ADK: variants seen among roughly 807,000 people sequenced by gnomAD.
The protein encoded by ADK is adenosine kinase.
ADK carries 24 observed loss-of-function variants against 44.7 expected under a neutral mutation model. That is an observed-to-expected ratio of 0.54 (90% CI 0.39 to 0.76). ADK has a LOEUF of 0.76. ADK is among the 30% of genes least tolerant of loss of function. The pLI is 0.00. For synonymous variants in ADK, 128 were observed against 142.6 expected, an observed-to-expected ratio of 0.90 and a Z score of 0.73; for missense variants, 321 against 425.1, an observed-to-expected ratio of 0.76 and a Z score of 2.15.
chr10:74,340,315 TG>T (rs1319971572), intron 4 of ADK, among the ~76,000 whole-genome samples: 4 of 152,148 alleles, frequency 2.6e-5, no homozygotes, highest in Non-Finnish European at 5.9e-5. Context: ...TAGTATTGTT[TG>T]TATGAGAAAA....
intron 9 of ADK, among the ~76,000 whole-genome samples, chr10:74,623,487 G>A (rs1297378745): frequency 6.6e-6 from 1 of 151,942 alleles, no homozygotes; most frequent in East Asian, 1.9e-4. Flanking sequence ...GTCCGTACTT[G>A]CTTAACTGTG....
chr10:74,162,552 TGTGTGTGTGTGA>T (rs1341533845), intron 1 of ADK, among the ~76,000 whole-genome samples: 4 of 151,478 alleles, frequency 2.6e-5, no homozygotes, highest in African/African-American at 9.7e-5. Context: ...TGTGTGTGTG[TGTGTGTGTGTGA>T]GACAGAGTCT....
intron 9 of ADK, among the ~76,000 whole-genome samples, chr10:74,636,617 T>C (rs1853629307): frequency 6.6e-6 from 1 of 152,210 alleles, no homozygotes; most frequent in African/African-American, 2.4e-5. Flanking sequence ...GTATATATTT[T>C]TGTCTTTATA....
At chr10:74,365,440 T>G (rs1240818646) in intron 4 of ADK, among the ~76,000 whole-genome samples, 2 of 152,356 alleles carry the variant, frequency 1.3e-5, no homozygotes, top group East Asian at 3.9e-4. Flanking sequence ...TCCCATTTTG[T>G]TGCATATATT....
chr10:74,320,305 T>TG (rs1359008108), intron 4 of ADK, among the ~76,000 whole-genome samples: 1 of 152,194 alleles, frequency 6.6e-6, no homozygotes, highest in Non-Finnish European at 1.5e-5. Flanking sequence ...TTGGCCTACA[T>TG]GGTTTCTGAT....
intron 1 of ADK, among the ~76,000 whole-genome samples, chr10:74,189,451 G>T (rs1413391356): frequency 6.6e-6 from 1 of 152,038 alleles, no homozygotes; most frequent in African/African-American, 2.4e-5. Flanking sequence ...CTCTAATTCC[G>T]CTCTGCAATA....
intron 3 of ADK, among the ~76,000 whole-genome samples, chr10:74,236,363 C>T (rs1443752152): frequency 6.6e-6 from 1 of 152,150 alleles, no homozygotes; most frequent in African/African-American, 2.4e-5. Context: ...GAAGGATGTT[C>T]TTAGGATTAT....
At chr10:74,341,673 C>G (rs185759731) in intron 4 of ADK, among the ~76,000 whole-genome samples, 1 of 152,156 alleles carries the variant, frequency 6.6e-6, no homozygotes, top group Non-Finnish European at 1.5e-5. Flanking sequence ...TATGTTGGCT[C>G]TCATGGTAGT....
At chr10:74,273,357 A>G (rs976549177) in intron 3 of ADK, among the ~76,000 whole-genome samples, 2 of 152,078 alleles carry the variant, frequency 1.3e-5, no homozygotes, top group African/African-American at 4.8e-5. Context: ...GTGATATACC[A>G]CCAGAGATCT....
chr10:74,242,937 G>T (rs572272470), intron 3 of ADK, among the ~76,000 whole-genome samples: 3 of 152,188 alleles, frequency 2.0e-5, no homozygotes, highest in African/African-American at 7.2e-5. Context: ...CATTTCCACC[G>T]CTCAGTAAAA....
chr10:74,602,815 G>A (rs1014752513), intron 9 of ADK, among the ~76,000 whole-genome samples: 2 of 152,200 alleles, frequency 1.3e-5, no homozygotes, highest in Non-Finnish European at 2.9e-5. Flanking sequence ...CAGTGCACAA[G>A]TGTAGCTGAA....
chr10:74,160,670 TGTGCGTGCATGCAGGTAGGG>T (rs1359941921), intron 1 of ADK, among the ~76,000 whole-genome samples: 7 of 151,770 alleles, frequency 4.6e-5, no homozygotes, highest in Non-Finnish European at 7.4e-5. Context: ...GGTAGGGGTG[TGTGCGTGCATGCAGGTAGGG>T]GTGTGTGTGT....
At chr10:74,586,270 G>A (rs941715541) in intron 7 of ADK, among the ~76,000 whole-genome samples, 1 of 152,202 alleles carries the variant, frequency 6.6e-6, no homozygotes, top group Non-Finnish European at 1.5e-5. Flanking sequence ...GTGGGAGGAA[G>A]TCAGAAGATA....
chr10:74,289,696 G>A (rs1847330803), intron 3 of ADK, among the ~76,000 whole-genome samples: 1 of 152,006 alleles, frequency 6.6e-6, no homozygotes, highest in African/African-American at 2.4e-5. Context: ...GTGGCACTAT[G>A]TTTTTGAAAA....
intron 6 of ADK, among the ~76,000 whole-genome samples, chr10:74,464,710 CAGTGGCTG>C (rs1447654118): frequency 1.3e-5 from 2 of 152,134 alleles, no homozygotes; most frequent in Non-Finnish European, 2.9e-5. Flanking sequence ...AGGCCAGGCA[CAGTGGCTG>C]ATGCCTGTAA....
rs1440059356 is a variant in ADK, at chr10:74,328,393, TA to T, written c.273+13649del. The stretch of plus-strand genomic sequence containing the variant: ...CACTTCCCACTCATTTTTTCCACCA[TA>T]GAAAACTTGCATCCAGGGGACTTCT... On this transcript the variant is annotated intron_variant, in intron 4 of 10. Coordinates refer to ENST00000539909, the MANE Select transcript of ADK (RefSeq NM_006721.4). Among the ~76,000 whole-genome samples, 18 of 84,922 alleles carry T rather than the reference TA, an allele frequency of 2.1e-4. No individual in the cohort carries two copies. The East Asian group carries it at 4.1e-3, about 19-fold the overall frequency. 55.7% of individuals were successfully genotyped at this position (84,922 alleles called of 152,430 possible).
intron 1 of ADK, among the ~76,000 whole-genome samples, chr10:74,171,240 C>A (rs1842152755): frequency 6.6e-6 from 1 of 152,190 alleles, no homozygotes; most frequent in Middle Eastern, 3.4e-3. Context: ...AATCTTTATA[C>A]ACATTTGTCT....
chr10:74,696,322 G>GATT (rs971611433), intron 10 of ADK, among the ~76,000 whole-genome samples: 1 of 151,054 alleles, frequency 6.6e-6, no homozygotes, highest in Non-Finnish European at 1.5e-5. Context: ...CGCCTGGCCT[G>GATT]ATTATTATTA....
At chr10:74,326,915 T>A (rs1010259838) in intron 4 of ADK, among the ~76,000 whole-genome samples, 2 of 151,996 alleles carry the variant, frequency 1.3e-5, no homozygotes, top group Non-Finnish European at 2.9e-5. Context: ...ACTTTATTAT[T>A]TGTGTCTTCT....
Sources: allele counts gnomAD v4.1 joint callset (sites outside exome capture counted in the v4.1 genomes callset), GRCh38; gene constraint gnomAD v4.1.1; transcripts MANE v1.5; gene names NCBI Gene and HGNC (gene_info 2026-07-23, HGNC 2026-07-21).